The following OR4C46 variants were observed in gnomAD, a reference collection of about 807,000 sequenced individuals.
The protein encoded by OR4C46 is olfactory receptor family 4 subfamily C member 46.
A neutral mutation model predicts 11.8 loss-of-function variants in OR4C46; 17 were observed. The ratio of observed to expected loss-of-function variants is 1.44; its 90% CI spans 0.98 to 2.16. OR4C46 has a LOEUF of 2.16. Among genes scored for constraint, OR4C46 ranks in the 30% most tolerant of loss-of-function variants. The pLI, the probability that OR4C46 is intolerant of heterozygous loss-of-function variation, is 0.00. For missense variants in OR4C46, 606 were observed against 372.1 expected (o/e 1.63, Z -5.17); for synonymous variants, 224 against 137.6 (o/e 1.63, Z -4.39).
Position 54,603,582 on chromosome 11 carries a change from A to G in OR4C46, c.417T>C (p.Cys139=). The change falls in exon 1 of 1, where the codon TGT becomes TGC. Residue 139 remains cysteine, a synonymous_variant. Transcript: ENST00000328188. ...HYMTIMNQCV[C]ALLMGVVWMG... is the part of the protein sequence containing the mutation. ...TCCACACCACTCCCATTAGCAGGGC[A>G]CACACACACTGGTTCATGATAGTCA... 3 of 1,614,066 alleles carry G rather than the reference A, an allele frequency of 1.9e-6. No homozygotes were observed. Among genetic ancestry groups the G allele is most frequent in the Non-Finnish European group, 2.5e-6 (3 of 1,179,922 alleles).
Position 54,603,838 on chromosome 11 carries a change from C to T in OR4C46, c.161G>A (p.Gly54Glu), listed in dbSNP as rs141039879. Residue 54 changes from glycine to glutamate, a missense_variant, in exon 1 of 1, where the codon GGG becomes GAG. By Grantham distance (98) the Gly-to-Glu change is moderately conservative. Transcript: ENST00000328188. ...GGCCAGGGAAAGGTACATGGGGGACCCCAGTGATGGGCTGGCAGTGATGGT... is the reference window on the plus strand; with the variant it reads ...GGCCAGGGAAAGGTACATGGGGGACTCCAGTGATGGGCTGGCAGTGATGGT... ...VVTITASPSLGSPMYLSLAYL... is the reference protein window; with the variant it reads ...VVTITASPSLESPMYLSLAYL... 4 of 1,600,110 alleles carry T rather than the reference C, an allele frequency of 2.5e-6. No homozygotes were observed. The highest frequency in any genetic ancestry group is 3.4e-5 in the Admixed American group (2 of 59,386).
Position 54,603,375 on chromosome 11 carries a change from G to T in OR4C46, c.624C>A (p.Asn208Lys). 4 of 1,613,852 alleles carry T rather than the reference G, an allele frequency of 2.5e-6. No individual in the cohort carries two copies. Among genetic ancestry groups the T allele is most frequent in the Admixed American group, 1.7e-5 (1 of 59,992 alleles). ...AANSGFICLLNFALLLVSYVV... is the reference protein window; with the variant it reads ...AANSGFICLLKFALLLVSYVV... ...CATAGGAGACCAGCAGGAGGGCAAA[G>T]TTTAACAAGCAGATGAATCCACTGT... Residue 208 changes from asparagine to lysine, a missense_variant, in exon 1 of 1, where the codon AAC (asparagine) becomes AAA (lysine). Coordinates refer to ENST00000328188, the MANE Select transcript of OR4C46 (RefSeq NM_001004703.1).
chr11:54,603,644 C>T lies in OR4C46; in HGVS notation c.355G>A (p.Asp119Asn). Reference protein sequence around the residue: ...EGILLTVMAYDHYVAICKPLH... With the variant: ...EGILLTVMAYNHYVAICKPLH... ...GGCTTGCAGATGGCCACATAGTGGT[C>T]ATAGGCCATCACAGTAAGTAGGATG... Residue 119 changes from aspartate (D) to asparagine (N), a missense_variant, in exon 1 of 1, where the codon GAC (aspartate) becomes AAC (asparagine). Asp to Asn is a conservative substitution (Grantham distance 23, BLOSUM62 1). Transcript: ENST00000328188. 2 of 1,614,032 alleles carry T rather than the reference C, an allele frequency of 1.2e-6. No homozygotes were observed. The highest frequency in any genetic ancestry group is 1.7e-6 in the Non-Finnish European group (2 of 1,179,944).
Position 54,603,497 on chromosome 11 carries a change from C to A in OR4C46, c.502G>T (p.Gly168Cys), listed in dbSNP as rs1157464648. The change falls in exon 1 of 1, where the codon GGT becomes TGT. Residue 168 changes from glycine to cysteine, a missense_variant. Transcript: ENST00000328188. ...ILFIFQLPFC[G>C]PNVIDHFMCD... ...ATAAAGTGATCTATGACATTAGGAC[C>A]ACAGAAAGGTAATTGGAAGATGAAG... 2 of 1,613,566 alleles carry A rather than the reference C, an allele frequency of 1.2e-6. No homozygotes were observed. Among genetic ancestry groups the A allele is most frequent in the Non-Finnish European group, 1.7e-6 (2 of 1,179,696 alleles).
chr11:54,603,445 A>G lies in OR4C46; in HGVS notation c.554T>C (p.Leu185Pro). The part of the protein sequence containing the change: ...FMCDLNPLLN[L>P]ACTDTHMLEL... ...CAGCATATGGGTGTCAGTGCAGGCG[A>G]GGTTGAGCAAAGGGTTCAGATCACA... The change falls in exon 1 of 1, where the codon CTC becomes CCC. Residue 185 changes from leucine to proline, a missense_variant. By Grantham distance (98) the Leu-to-Pro change is moderately conservative (BLOSUM62 -3). Coordinates refer to ENST00000328188, the MANE Select transcript of OR4C46 (RefSeq NM_001004703.1). 1 of 1,613,776 alleles carries G rather than the reference A, an allele frequency of 6.2e-7. No homozygotes were observed. Among genetic ancestry groups the G allele is most frequent in the Non-Finnish European group, 8.5e-7 (1 of 1,179,790 alleles).
rs140000110 is a variant in OR4C46, at chr11:54,603,089, C to T, written c.910G>A (p.Asp304Asn). 6.0e-3 allele frequency: 9,140 copies of T among 1,530,922 alleles called. 36 individuals are homozygous for T. Among genetic ancestry groups the T allele is most frequent in the Middle Eastern group, 0.016 (94 of 5,812 alleles). 94.8% of individuals were successfully genotyped at this position (1,530,922 alleles called of 1,614,324 possible). Reference protein sequence around the residue: ...NAIRKLCSRKDISGDK With the variant: ...NAIRKLCSRKNISGDK ...TACATTTATTTGTCACCTGAAATGT[C>T]CTTTCTACTACACAATTTCCTGATG... The change falls in exon 1 of 1, where the codon GAC becomes AAC. Residue 304 changes from aspartate to asparagine, a missense_variant. Coordinates refer to ENST00000328188, the MANE Select transcript of OR4C46 (RefSeq NM_001004703.1).
rs750442393 is a variant in OR4C46, at chr11:54,603,672, C to A, written c.327G>T (p.Glu109Asp). ...VFGEHFFGGAEGILLTVMAYD... is the reference protein window; with the variant it reads ...VFGEHFFGGADGILLTVMAYD... ...AGGCCATCACAGTAAGTAGGATGCC[C>A]TCTGCACCTCCGAAGAAATGTTCTC... Residue 109 changes from glutamate to aspartate, a missense_variant, in exon 1 of 1, where the codon GAG (glutamate) becomes GAT (aspartate). By Grantham distance (45) the Glu-to-Asp change is conservative. Coordinates refer to ENST00000328188, the MANE Select transcript of OR4C46 (RefSeq NM_001004703.1). 16 of 1,613,952 alleles carry A rather than the reference C, an allele frequency of 9.9e-6. No homozygotes were observed. Among genetic ancestry groups the A allele is most frequent in the Non-Finnish European group, 1.3e-5 (15 of 1,179,992 alleles).
Position 54,603,235 on chromosome 11 carries a change from A to G in OR4C46, c.764T>C (p.Val255Ala). ...TAAAGTAGCTGCAGGTCTCATGTACACAAATATGCAGGGCACAAAGAATAA... is the reference window on the plus strand; with the variant it reads ...TAAAGTAGCTGCAGGTCTCATGTACGCAAATATGCAGGGCACAAAGAATAA... ...VILFFVPCIF[V>A]YMRPAATLPI... Residue 255 changes from valine (V) to alanine (A), a missense_variant, in exon 1 of 1, where the codon GTG (valine) becomes GCG (alanine). Transcript: ENST00000328188. The G allele has an allele frequency of 6.2e-7, 1 of 1,612,176 alleles. No individual in the cohort carries two copies. The highest frequency in any genetic ancestry group is 8.5e-7 in the Non-Finnish European group (1 of 1,178,420).
rs769756020 is a variant in OR4C46, at chr11:54,603,974, C to T, written c.25G>A (p.Glu9Lys). The change falls in exon 1 of 1, where the codon GAG becomes AAG. Residue 9 changes from glutamate (E) to lysine (K), a missense_variant. Transcript: ENST00000328188. ...TCTGTAAGCCCCAGCAAAACAAACT[C>T]TGTCATGTTATTCCTATTCTCCATG... is the stretch of plus-strand genomic sequence containing the variant. MENRNNMT[E>K]FVLLGLTENP... is the part of the protein sequence containing the mutation. 3 of 1,613,322 alleles carry T rather than the reference C, an allele frequency of 1.9e-6. No homozygotes were observed. Among genetic ancestry groups the T allele is most frequent in the South Asian group, 1.1e-5 (1 of 91,070 alleles).
rs754851004 is a variant in OR4C46 at position 54,603,367 on chromosome 11, A to T, written c.632T>A (p.Leu211His). Reference protein sequence around the residue: ...SGFICLLNFALLLVSYVVILC... With the variant: ...SGFICLLNFAHLLVSYVVILC... ...GATGACCACATAGGAGACCAGCAGG[A>T]GGGCAAAGTTTAACAAGCAGATGAA... is the stretch of plus-strand genomic sequence containing the variant. Residue 211 changes from leucine to histidine, a missense_variant, in exon 1 of 1, where the codon CTC becomes CAC. By Grantham distance (99) the Leu-to-His change is moderately conservative (BLOSUM62 -3). Coordinates refer to ENST00000328188, the MANE Select transcript of OR4C46 (RefSeq NM_001004703.1). The T allele has an allele frequency of 3.7e-6, 6 of 1,613,754 alleles. No homozygotes were observed. The Admixed American group carries it at 6.7e-5, about 18-fold the overall frequency.
rs771455134 is a variant in OR4C46, at chr11:54,603,689, A to T, written c.310T>A (p.Phe104Ile). ...GCMTQVFGEH[F>I]FGGAEGILLT... ...AGGATGCCCTCTGCACCTCCGAAGA[A>T]ATGTTCTCCAAAGACTTGAGTCATG... Residue 104 changes from phenylalanine to isoleucine, a missense_variant, in exon 1 of 1, where the codon TTC becomes ATC. Coordinates refer to ENST00000328188, the MANE Select transcript of OR4C46 (RefSeq NM_001004703.1). The T allele has an allele frequency of 3.7e-6, 6 of 1,614,098 alleles. No individual in the cohort carries two copies. Among genetic ancestry groups the T allele is most frequent in the South Asian group, 2.2e-5 (2 of 91,076 alleles).
rs1266168332 is a variant in OR4C46, at chr11:54,603,862, G to T, written c.137C>A (p.Thr46Asn). Reference protein sequence around the residue: ...TVVGYVLIVVTITASPSLGSP... With the variant: ...TVVGYVLIVVNITASPSLGSP... ...CCCCAGTGATGGGCTGGCAGTGATGGTGACCACAATGAGCACATATCCCAC... is the reference window on the plus strand; with the variant it reads ...CCCCAGTGATGGGCTGGCAGTGATGTTGACCACAATGAGCACATATCCCAC... Residue 46 changes from threonine (T) to asparagine (N), a missense_variant, in exon 1 of 1, where the codon ACC (threonine) becomes AAC (asparagine). Thr to Asn is a moderately conservative substitution (Grantham distance 65). Coordinates refer to ENST00000328188, the MANE Select transcript of OR4C46 (RefSeq NM_001004703.1). The T allele has an allele frequency of 4.4e-6, 7 of 1,600,314 alleles. No individual in the cohort carries two copies. The East Asian group carries it at 6.7e-5, about 15-fold the overall frequency.
Position 54,603,664 on chromosome 11 carries a change from A to T in OR4C46, c.335T>A (p.Leu112Gln). ...EHFFGGAEGI[L>Q]LTVMAYDHYV... is the part of the protein sequence containing the mutation. ...GTGGTCATAGGCCATCACAGTAAGT[A>T]GGATGCCCTCTGCACCTCCGAAGAA... Residue 112 changes from leucine (L) to glutamine (Q), a missense_variant, in exon 1 of 1, where the codon CTA becomes CAA. By Grantham distance (113) the Leu-to-Gln change is moderately radical. Transcript: ENST00000328188. The T allele has an allele frequency of 2.5e-6, 4 of 1,614,120 alleles. No individual in the cohort carries two copies. The highest frequency in any genetic ancestry group is 3.4e-6 in the Non-Finnish European group (4 of 1,179,960).
Position 54,603,823 on chromosome 11 carries a change from A to T in OR4C46, c.176T>A (p.Leu59His), listed in dbSNP as rs755794716. Residue 59 changes from leucine to histidine, a missense_variant, in exon 1 of 1, where the codon CTT (leucine) becomes CAT (histidine). By Grantham distance (99) the Leu-to-His change is moderately conservative (BLOSUM62 -3). Transcript: ENST00000328188. ...AATAAAGGAGAGATAGGCCAGGGAAAGGTACATGGGGGACCCCAGTGATGG... is the reference window on the plus strand; with the variant it reads ...AATAAAGGAGAGATAGGCCAGGGAATGGTACATGGGGGACCCCAGTGATGG... ...ASPSLGSPMY[L>H]SLAYLSFIDA... 1 of 1,613,634 alleles carries T rather than the reference A, an allele frequency of 6.2e-7. No homozygotes were observed. Among genetic ancestry groups the T allele is most frequent in the African/African-American group, 1.3e-5 (1 of 74,758 alleles).
At position 54,603,535 on chromosome 11, in the gene OR4C46, G is replaced by T. The variant is rs1453624547; in HGVS notation, c.464C>A (p.Thr155Asn). 1.2e-6 allele frequency: 2 copies of T among 1,613,692 alleles called. No individual in the cohort carries two copies. The highest frequency in any genetic ancestry group is 1.7e-6 in the Non-Finnish European group (2 of 1,179,724). The change falls in exon 1 of 1, where the codon ACC becomes AAC. Residue 155 changes from threonine to asparagine, a missense_variant. Physicochemically the swap from Thr to Asn is moderately conservative, Grantham distance 65. Transcript: ENST00000328188. ...TTGGAAGATGAAGAGGATCTGTATG[G>T]TTGCATGAAGAAAGCCTCCCATCCA... The part of the protein sequence containing the change: ...VVWMGGFLHA[T>N]IQILFIFQLP...
In OR4C46 at chr11:54,603,734, C is replaced by T. The variant is rs61890419; in HGVS notation, c.265G>A (p.Ala89Thr). The change falls in exon 1 of 1, where the codon GCC (alanine) becomes ACC (threonine). Residue 89 changes from alanine (A) to threonine (T), a missense_variant. Transcript: ENST00000328188. ...GTCATGCATCCATTGAATAGGATGG[C>T]CTTCTTTCCATAGAGTGAATGTGTG... ...LITHSLYGKKAILFNGCMTQV... is the reference protein window; with the variant it reads ...LITHSLYGKKTILFNGCMTQV... The T allele has an allele frequency of 0.057, 91,810 of 1,613,382 alleles. 2,919 individuals carry two copies. Among genetic ancestry groups the T allele is most frequent in the Non-Finnish European group, 0.063 (74,124 of 1,179,458 alleles).
chr11:54,603,725 A>G lies in OR4C46; in HGVS notation c.274T>C (p.Phe92Leu), dbSNP rs1159074837. Residue 92 changes from phenylalanine (F) to leucine (L), a missense_variant, in exon 1 of 1, where the codon TTC (phenylalanine) becomes CTC (leucine). By Grantham distance (22) the Phe-to-Leu change is conservative. Transcript: ENST00000328188. Reference protein sequence around the residue: ...HSLYGKKAILFNGCMTQVFGE... With the variant: ...HSLYGKKAILLNGCMTQVFGE... ...AAGACTTGAGTCATGCATCCATTGA[A>G]TAGGATGGCCTTCTTTCCATAGAGT... 4 of 1,613,882 alleles carry G rather than the reference A, an allele frequency of 2.5e-6. No homozygotes were observed. The South Asian group carries it at 3.3e-5, about 13-fold the overall frequency.
rs1042040481 is a variant in OR4C46 at position 54,603,215 on chromosome 11, T to C, written c.784A>G (p.Thr262Ala). 5.6e-6 allele frequency: 9 copies of C among 1,608,442 alleles called. No individual in the cohort carries two copies. The African/African-American group carries it at 9.4e-5, about 17-fold the overall frequency. The change falls in exon 1 of 1, where the codon ACT becomes GCT. Residue 262 changes from threonine to alanine, a missense_variant. By Grantham distance (58) the Thr-to-Ala change is moderately conservative. Coordinates refer to ENST00000328188, the MANE Select transcript of OR4C46 (RefSeq NM_001004703.1). ...GCAACTGCTTTATCAATAGGTAAAG[T>C]AGCTGCAGGTCTCATGTACACAAAT... ...CIFVYMRPAA[T>A]LPIDKAVAIF... is the part of the protein sequence containing the mutation.
Position 54,603,236 on chromosome 11 carries a change from C to G in OR4C46, c.763G>C (p.Val255Leu). 6.2e-7 allele frequency: 1 copy of G among 1,612,156 alleles called. No individual in the cohort carries two copies. The highest frequency in any genetic ancestry group is 1.3e-5 in the African/African-American group (1 of 74,926). ...AAAGTAGCTGCAGGTCTCATGTACA[C>G]AAATATGCAGGGCACAAAGAATAAG... ...VILFFVPCIF[V>L]YMRPAATLPI... is the part of the protein sequence containing the mutation. Residue 255 changes from valine (V) to leucine (L), a missense_variant, in exon 1 of 1, where the codon GTG becomes CTG. By Grantham distance (32) the Val-to-Leu change is conservative. Transcript: ENST00000328188.
Sources: allele counts gnomAD v4.1 joint callset, GRCh38; gene constraint gnomAD v4.1.1; transcripts MANE v1.5; gene names NCBI Gene and HGNC (gene_info 2026-07-23, HGNC 2026-07-21).